The following FRMPD4 variants were observed in gnomAD, a reference collection of about 807,000 sequenced individuals.
FRMPD4 encodes FERM and PDZ domain containing 4.
In FRMPD4, 22 loss-of-function variants were observed where a neutral mutation model predicts 94.1. That is an observed-to-expected ratio of 0.23 (90% CI 0.17 to 0.33). FRMPD4 has a LOEUF of 0.33. Among genes scored for constraint, FRMPD4 ranks in the 10% least tolerant of loss-of-function variants. The probability of loss-of-function intolerance (pLI) is 1.00; values close to 1 mark genes in which losing one functional copy is unlikely to be tolerated. For synonymous variants in FRMPD4, 631 were observed against 548.6 expected (o/e 1.15, Z -2.10); for missense variants, 1,111 against 1,339.9 (o/e 0.83, Z 2.67).
At chrX:12,575,717 G>T (rs1037126155) in intron 2 of FRMPD4, among the ~76,000 whole-genome samples, 14 of 111,892 alleles carry the variant, frequency 1.3e-4, no homozygotes, top group African/African-American at 4.6e-4. Flanking sequence ...AATCACAAGG[G>T]TCCTTAAATG....
At chrX:12,655,539 A>C (rs956877834) in intron 4 of FRMPD4, among the ~76,000 whole-genome samples, 3 of 112,348 alleles carry the variant, frequency 2.7e-5, no homozygotes, top group African/African-American at 9.7e-5. Flanking sequence ...CTCTAGTTAC[A>C]TGTGGCTATT....
At chrX:12,476,264 T>G (rs1490122346) in intron 1 of FRMPD4, among the ~76,000 whole-genome samples, 14 of 111,859 alleles carry the variant, frequency 1.3e-4, no homozygotes, top group Middle Eastern at 4.6e-3. Context: ...TGGCCATATG[T>G]AGAAAGCTGA....
intron 1 of FRMPD4, among the ~76,000 whole-genome samples, chrX:12,463,703 T>TTTG (rs2057419733): frequency 1.0e-5 from 1 of 99,353 alleles, no homozygotes; most frequent in Admixed American, 1.1e-4. Context: ...TTTTTGTTTT[T>TTTG]TTTTTTTAAC....
At chrX:12,217,163 T>C (rs936977736) in intron 1 of FRMPD4, among the ~76,000 whole-genome samples, 3 of 112,133 alleles carry the variant, frequency 2.7e-5, no homozygotes, top group Non-Finnish European at 5.6e-5. Context: ...GTGGGGTTGA[T>C]GCCTTTATGT....
At chrX:11,952,280 A>G (rs1188791016) in intron 3 of FRMPD4, among the ~76,000 whole-genome samples, 1 of 111,955 alleles carries the variant, frequency 8.9e-6, no homozygotes, top group Non-Finnish European at 1.9e-5. Context: ...GAATAACAAG[A>G]AGCAGGCTCC....
intron 3 of FRMPD4, among the ~76,000 whole-genome samples, chrX:11,888,442 A>G (rs1325490016): frequency 8.9e-6 from 1 of 112,378 alleles, no homozygotes; most frequent in Admixed American, 9.4e-5. Flanking sequence ...CCATAGCAAA[A>G]ATAATTTTAA....
intron 3 of FRMPD4, among the ~76,000 whole-genome samples, chrX:11,988,094 A>G (rs756517152): frequency 8.9e-6 from 1 of 111,884 alleles, no homozygotes; most frequent in East Asian, 2.8e-4. Context: ...CAACCCTAAC[A>G]TTTACATGAA....
intron 3 of FRMPD4, among the ~76,000 whole-genome samples, chrX:12,120,213 C>T (rs1007137847): frequency 3.6e-5 from 4 of 111,863 alleles, no homozygotes; most frequent in African/African-American, 6.5e-5. Context: ...GATGAGATTA[C>T]GGGAATGAGG....
In FRMPD4 at chrX:12,529,816, T is replaced by C. The variant is rs142947782; in HGVS notation, c.158+31020T>C. On this transcript the variant is annotated intron_variant, in intron 2 of 16. Transcript: ENST00000675598. ...CTAGTCTATTCAGGAGGCTGGGAAGTTCAAGATCACAACACCAGCAAATTC... is the reference window on the plus strand; with the variant it reads ...CTAGTCTATTCAGGAGGCTGGGAAGCTCAAGATCACAACACCAGCAAATTC... Among the ~76,000 whole-genome samples, 55 of 108,688 alleles carry C rather than the reference T, an allele frequency of 5.1e-4. No homozygotes were observed. The East Asian group carries it at 6.0e-3, about 12-fold the overall frequency. The allele number at this position is 108,688 out of a possible 115,157, so 94.4% of individuals were successfully genotyped here.
intron 3 of FRMPD4, among the ~76,000 whole-genome samples, chrX:12,083,701 C>T (rs1324561277): frequency 8.9e-6 from 1 of 112,732 alleles, no homozygotes; most frequent in Non-Finnish European, 1.9e-5. Context: ...GGCGGCTGCC[C>T]AAGACCATGG....
chrX:12,304,855 T>A (rs972306826), intron 1 of FRMPD4, among the ~76,000 whole-genome samples: 3 of 112,286 alleles, frequency 2.7e-5, no homozygotes, highest in African/African-American at 9.7e-5. Flanking sequence ...CATGATACAA[T>A]CTGTTGTAGA....
chrX:11,933,546 A>G (rs187795361), intron 3 of FRMPD4, among the ~76,000 whole-genome samples: 3 of 112,779 alleles, frequency 2.7e-5, no homozygotes, highest in Admixed American at 1.9e-4. Flanking sequence ...CTGCAAAATG[A>G]TTTTCAACTC....
intron 2 of FRMPD4, among the ~76,000 whole-genome samples, chrX:12,567,914 T>G: frequency 8.9e-6 from 1 of 112,099 alleles, no homozygotes. Flanking sequence ...TGGTAACATC[T>G]GCATTCCATT....
chrX:12,092,553 G>A (rs939071611), intron 3 of FRMPD4, among the ~76,000 whole-genome samples: 1 of 111,870 alleles, frequency 8.9e-6, no homozygotes. Context: ...AAAGAGAACT[G>A]GCAGAGCACA....
Position 12,226,389 on chromosome X carries a change from G to A in FRMPD4, c.41+87377G>A, listed in dbSNP as rs760106435. On this transcript the variant is annotated intron_variant, in intron 1 of 16. Coordinates refer to ENST00000675598, the MANE Select transcript of FRMPD4 (RefSeq NM_001368397.1). ...AAAATCTCAGTCATCCTGAGGAGGG[G>A]CACTTAAGAGAAAAGTGGTGACTAT... Among the ~76,000 whole-genome samples, 9 of 111,956 alleles carry A rather than the reference G, an allele frequency of 8.0e-5. No individual in the cohort carries two copies. In the South Asian group the frequency reaches 3.4e-3, roughly 42 times the overall value.
At chrX:12,556,429 G>C (rs938404118) in intron 2 of FRMPD4, among the ~76,000 whole-genome samples, 1 of 111,037 alleles carries the variant, frequency 9.0e-6, no homozygotes, top group Admixed American at 9.6e-5. Context: ...CCTACGGAGG[G>C]GGGTGGACTC....
chrX:12,573,971 G>A (rs766255734), intron 2 of FRMPD4, among the ~76,000 whole-genome samples: 1 of 112,085 alleles, frequency 8.9e-6, no homozygotes, highest in African/African-American at 3.2e-5. Context: ...TTATAAATAT[G>A]TTGCTTATGT....
chrX:12,699,727 G>A lies in FRMPD4; in HGVS notation c.934-2147G>A, dbSNP rs183593603. 2.2e-4 allele frequency among the ~76,000 whole-genome samples: 25 copies of A among 112,849 alleles called. No homozygotes were observed. The East Asian group carries it at 6.1e-3, about 27-fold the overall frequency. ...CAAGTCAAAAAAGACAAATGAATTA[G>A]AGAAAAGGCATACAAATATATTTAA... is the stretch of plus-strand genomic sequence containing the variant. On this transcript the variant is annotated intron_variant, in intron 9 of 16. Transcript: ENST00000675598.
intron 5 of FRMPD4, among the ~76,000 whole-genome samples, chrX:12,681,857 T>G (rs1416124279): frequency 8.9e-6 from 1 of 111,815 alleles, no homozygotes; most frequent in African/African-American, 3.3e-5. Flanking sequence ...ATTAAGTACA[T>G]TCAAAATGTT....
Sources: gnomAD v4.1 joint callset for allele counts (sites outside exome capture counted in the v4.1 genomes callset) on GRCh38, gnomAD v4.1.1 for gene constraint, MANE v1.5 for transcripts, NCBI Gene and HGNC (gene_info 2026-07-23, HGNC 2026-07-21) for gene names.